Variants in GMDS observed in about 807,000 individuals in gnomAD.
The protein encoded by GMDS is GDP-mannose 4,6 dehydratase.
GMDS carries 20 observed loss-of-function variants against 49.9 expected under a neutral mutation model. The ratio of observed to expected loss-of-function variants is 0.40; its 90% confidence interval spans 0.28 to 0.58. The LOEUF is 0.58. GMDS is among the 20% of genes least tolerant of loss of function. The pLI is 0.42. For synonymous variants in GMDS, 177 were observed against 178.6 expected, an observed-to-expected ratio of 0.99 and a Z score of 0.07; for missense variants, 362 against 481.4, an observed-to-expected ratio of 0.75 and a Z score of 2.32.
At chr6:1,690,812 T>C (rs905427236) in intron 9 of GMDS, among the ~76,000 whole-genome samples, 3 of 152,350 alleles carry the variant, frequency 2.0e-5, no homozygotes, top group East Asian at 3.9e-4. Context: ...CACAGTGAGA[T>C]ACCATCTCAA....
At chr6:2,099,101 T>C (rs1193655845) in intron 4 of GMDS, among the ~76,000 whole-genome samples, 11 of 152,292 alleles carry the variant, frequency 7.2e-5, no homozygotes, top group African/African-American at 2.6e-4. Flanking sequence ...CTCTAAGTCA[T>C]CTACGTTTAA....
At position 1,814,536 on chromosome 6, in the gene GMDS, G is replaced by A. The variant is rs143436497; in HGVS notation, c.772-71950C>T. On this transcript the variant is annotated intron_variant, in intron 7 of 10. Coordinates refer to ENST00000380815, the MANE Select transcript of GMDS (RefSeq NM_001500.4). ...TGAGGCAAGAGAGCACGTTAAACAC[G>A]TGTGGGATATTATGAAGACCTGAGC... Among the ~76,000 whole-genome samples, 521 of 152,240 alleles carry A rather than the reference G, an allele frequency of 3.4e-3. 4 individuals carry two copies. Among genetic ancestry groups the A allele is most frequent in the South Asian group, 0.012 (58 of 4,824 alleles).
chr6:1,807,781 C>T (rs1770243337), intron 7 of GMDS, among the ~76,000 whole-genome samples: 1 of 152,136 alleles, frequency 6.6e-6, no homozygotes, highest in East Asian at 1.9e-4. Context: ...ATGTGAAAGC[C>T]ACAACTATGG....
At chr6:2,117,749 G>A (rs1038726776) in intron 2 of GMDS, among the ~76,000 whole-genome samples, 193 bp from the exon 3 acceptor site, 5 of 152,122 alleles carry the variant, frequency 3.3e-5, no homozygotes, top group South Asian at 2.1e-4. Flanking sequence ...TTTCCCCAGC[G>A]ATTTTACTGC....
chr6:1,707,387 A>G (rs1296540211), intron 9 of GMDS, among the ~76,000 whole-genome samples: 1 of 152,190 alleles, frequency 6.6e-6, no homozygotes, highest in Non-Finnish European at 1.5e-5. Flanking sequence ...CTCACAGAAG[A>G]GGGGAGGAAA....
intron 4 of GMDS, among the ~76,000 whole-genome samples, chr6:1,965,224 T>C (rs965965705): frequency 1.3e-5 from 2 of 152,146 alleles, no homozygotes; most frequent in Admixed American, 6.5e-5. Context: ...GTATTTCTAG[T>C]TCTAGATCCC....
chr6:1,899,994 C>T (rs1381110309), intron 7 of GMDS, among the ~76,000 whole-genome samples: 2 of 152,202 alleles, frequency 1.3e-5, no homozygotes, highest in Admixed American at 6.5e-5. Flanking sequence ...CACGTGGAGA[C>T]CTTCCACAGG....
intron 4 of GMDS, among the ~76,000 whole-genome samples, chr6:2,018,253 A>C (rs1405253192): frequency 6.6e-6 from 1 of 152,236 alleles, no homozygotes; most frequent in East Asian, 1.9e-4. Flanking sequence ...CTATGACTCA[A>C]ATCGTATCTA....
chr6:1,661,752 T>C (rs2113251076), intron 9 of GMDS, among the ~76,000 whole-genome samples: 1 of 152,358 alleles, frequency 6.6e-6, no homozygotes, highest in South Asian at 2.1e-4. Flanking sequence ...GAGCAAGCTC[T>C]AGCAAATCCA....
At chr6:1,819,636 C>T (rs945467331) in intron 7 of GMDS, among the ~76,000 whole-genome samples, 1 of 151,708 alleles carries the variant, frequency 6.6e-6, no homozygotes, top group Non-Finnish European at 1.5e-5. Flanking sequence ...GGGCAGGCGC[C>T]TGTCATCCCA....
At chr6:2,036,097 T>C (rs1383732381) in intron 4 of GMDS, among the ~76,000 whole-genome samples, 1 of 152,226 alleles carries the variant, frequency 6.6e-6, no homozygotes, top group East Asian at 1.9e-4. Flanking sequence ...TAGATGACAG[T>C]GTTCTCCTTT....
At chr6:1,644,398 C>T (rs1339831938) in intron 9 of GMDS, among the ~76,000 whole-genome samples, 1 of 152,200 alleles carries the variant, frequency 6.6e-6, no homozygotes, top group African/African-American at 2.4e-5. Context: ...CTCACCATTG[C>T]CATAAATAGG....
intron 7 of GMDS, among the ~76,000 whole-genome samples, chr6:1,929,334 T>C (rs189339147): frequency 1.3e-5 from 2 of 152,326 alleles, no homozygotes; most frequent in East Asian, 3.9e-4. Flanking sequence ...GAAAGGACAA[T>C]GTCTCTACCA....
rs181453866 is a variant in GMDS at position 2,022,477 on chromosome 6, G to A, written c.346-61511C>T. 1.3e-4 allele frequency among the ~76,000 whole-genome samples: 20 copies of A among 152,148 alleles called. No individual in the cohort carries two copies. The East Asian group carries it at 3.7e-3, about 28-fold the overall frequency. ...TGCTACAAAATATTTAAAATAACAC[G>A]AATTCAATGATTTTTAAAATTCAAA... On this transcript the variant is annotated intron_variant, in intron 4 of 10. Coordinates refer to ENST00000380815, the MANE Select transcript of GMDS (RefSeq NM_001500.4).
intron 4 of GMDS, among the ~76,000 whole-genome samples, chr6:2,086,523 T>C (rs1402437488): frequency 1.3e-5 from 2 of 152,230 alleles, no homozygotes; most frequent in Non-Finnish European, 2.9e-5. Flanking sequence ...GTAACCAGCA[T>C]GCTGCTGCTC....
chr6:2,245,312 C>T lies in GMDS; in HGVS notation c.102+9G>A. On this transcript the variant is annotated intron_variant, in intron 1 of 10. Transcript: ENST00000380815. Reference sequence around the variant, plus strand: ...GCCTCGGCCGGCGCGCCCCCGCCCCCGCACTCACCTGGCCTGTGATACCGG... The same window carrying T: ...GCCTCGGCCGGCGCGCCCCCGCCCCTGCACTCACCTGGCCTGTGATACCGG... 6.6e-7 allele frequency: 1 copy of T among 1,523,630 alleles called. No individual in the cohort carries two copies. The highest frequency in any genetic ancestry group is 8.8e-7 in the Non-Finnish European group (1 of 1,133,080). The allele number at this position is 1,523,630 out of a possible 1,614,324, so 94.4% of individuals were successfully genotyped here.
chr6:1,665,181 T>G (rs1041563063), intron 9 of GMDS, among the ~76,000 whole-genome samples: 2 of 152,190 alleles, frequency 1.3e-5, no homozygotes, highest in Admixed American at 6.5e-5. Context: ...ATGTGCCATG[T>G]TGGTGTGCTG....
At chr6:1,714,895 G>A (rs139632218) in intron 9 of GMDS, among the ~76,000 whole-genome samples, 5 of 152,376 alleles carry the variant, frequency 3.3e-5, no homozygotes, top group Admixed American at 2.6e-4. Flanking sequence ...GGGTGGAGCC[G>A]GGCTGCAGTG....
chr6:2,174,218 C>T (rs1030820904), intron 1 of GMDS, among the ~76,000 whole-genome samples: 3 of 152,148 alleles, frequency 2.0e-5, no homozygotes, highest in Non-Finnish European at 4.4e-5. Flanking sequence ...ATCAAATACA[C>T]AATCTACTTC....
Sources: allele counts gnomAD v4.1 joint callset (sites outside exome capture counted in the v4.1 genomes callset), GRCh38; gene constraint gnomAD v4.1.1; transcripts MANE v1.5; gene names NCBI Gene and HGNC (gene_info 2026-07-23, HGNC 2026-07-21).